Variants in MAP2K4 observed in about 807,000 individuals in gnomAD.
MAP2K4 encodes the protein dual specificity mitogen-activated protein kinase kinase 4.
A neutral mutation model predicts 48.5 loss-of-function variants in MAP2K4; 4 were observed. That is an observed-to-expected ratio of 0.08 (90% confidence interval 0.04 to 0.19). The LOEUF is 0.19. MAP2K4 is among the 10% of genes least tolerant of loss of function. The pLI, the probability that MAP2K4 is intolerant of heterozygous loss-of-function variation, is 1.00. For synonymous variants in MAP2K4, 166 were observed against 173.1 expected, an observed-to-expected ratio of 0.96 and a Z score of 0.32; for missense variants, 258 against 493.3, an observed-to-expected ratio of 0.52 and a Z score of 4.52.
intron 4 of MAP2K4, among the ~76,000 whole-genome samples, chr17:12,103,021 CT>C (rs1567661366): frequency 8.1e-6 from 1 of 122,778 alleles, no homozygotes; most frequent in South Asian, 2.6e-4. Context: ...AAATGATTTT[CT>C]TTTCTTTTCT....
At chr17:12,063,063 T>C (rs993899412) in intron 2 of MAP2K4, among the ~76,000 whole-genome samples, 2 of 152,228 alleles carry the variant, frequency 1.3e-5, no homozygotes, top group Non-Finnish European at 2.9e-5. Flanking sequence ...TCTTCTGACA[T>C]TGCTATATTG....
intron 2 of MAP2K4, among the ~76,000 whole-genome samples, chr17:12,062,124 G>A (rs1188730239): frequency 6.7e-6 from 1 of 150,322 alleles, no homozygotes; most frequent in Non-Finnish European, 1.5e-5. Flanking sequence ...ATCTGGAGTG[G>A]TTGCACTTGA....
rs1971204692 is a variant in MAP2K4, at chr17:12,081,999, G to A, written c.393+469G>A. ...ACTAACCTCAACCTTACTCGGTCCT[G>A]ACCGGCTCGGCTTCTGTTTGTTTAT... On this transcript the variant is annotated intron_variant, in intron 3 of 10. Coordinates refer to ENST00000353533, the MANE Select transcript of MAP2K4 (RefSeq NM_003010.4). This position sits in a 1 kb window ranked among gnomAD's most constrained non-coding sequence, Gnocchi z 4.2. 3.8e-6 allele frequency: 2 copies of A among 525,906 alleles called. No homozygotes were observed. Among genetic ancestry groups the A allele is most frequent in the African/African-American group, 3.9e-5 (2 of 51,880 alleles). 32.6% of individuals were successfully genotyped at this position (525,906 alleles called of 1,614,324 possible). A position where few individuals can be genotyped will look rare whatever the true frequency, so the allele number is the denominator to read the frequency against.
chr17:12,095,806 T>G lies in MAP2K4; in HGVS notation c.513+112T>G, dbSNP rs1019921582. 72 of 1,241,174 alleles carry G rather than the reference T, an allele frequency of 5.8e-5. 1 individual carries two copies. The highest frequency in any genetic ancestry group is 8.1e-5 in the Non-Finnish European group (71 of 878,576). The allele number at this position is 1,241,174 out of a possible 1,614,324, so 76.9% of individuals were successfully genotyped here. A position where few individuals can be genotyped will look rare whatever the true frequency, so the allele number is the denominator to read the frequency against. ...CATACATTAGTAATAAGTTAATATC[T>G]CAGTATCTTAGTGTTTAACCATGGT... On this transcript the variant is annotated intron_variant, in intron 4 of 10. Transcript: ENST00000353533.
intron 4 of MAP2K4, among the ~76,000 whole-genome samples, chr17:12,103,905 A>AT (rs888645195): frequency 6.6e-6 from 1 of 151,916 alleles, no homozygotes; most frequent in Non-Finnish European, 1.5e-5. Context: ...TTTTTATTTT[A>AT]TTTTTTTAGA....
intron 2 of MAP2K4, among the ~76,000 whole-genome samples, chr17:12,077,807 C>G (rs1339346255): frequency 1.3e-5 from 2 of 152,188 alleles, no homozygotes; most frequent in Non-Finnish European, 2.9e-5. Flanking sequence ...TCACAATTCT[C>G]GAGACTGGAG....
Position 12,113,306 on chromosome 17 carries a change from G to A in MAP2K4, c.759G>A (p.Gln253=), listed in dbSNP as rs1314059173. The A allele has an allele frequency of 6.2e-7, 1 of 1,613,824 alleles. No homozygotes were observed. The highest frequency in any genetic ancestry group is 8.5e-7 in the Non-Finnish European group (1 of 1,179,790). ...IKLCDFGISG[Q]LVDSIAKTRD... ...TCTGTGACTTCGGCATCAGTGGACA[G>A]CTTGTGGACTCTATTGCCAAGACAA... The change falls in exon 7 of 11, where the codon CAG becomes CAA. Residue 253 remains glutamine, a synonymous_variant. Coordinates refer to ENST00000353533, the MANE Select transcript of MAP2K4 (RefSeq NM_003010.4).
chr17:12,087,092 C>T lies in MAP2K4; in HGVS notation c.393+5562C>T, dbSNP rs559576405. Among the ~76,000 whole-genome samples, 63 of 152,258 alleles carry T rather than the reference C, an allele frequency of 4.1e-4. 2 individuals carry two copies. In the South Asian group the frequency reaches 0.013, roughly 31 times the overall value. ...GAACTACTGACTTCAGGTGATCTGC[C>T]CGCCTCAGCCTCCCAAAAGTGCTGG... On this transcript the variant is annotated intron_variant, in intron 3 of 10. Transcript: ENST00000353533.
intron 3 of MAP2K4, among the ~76,000 whole-genome samples, chr17:12,092,853 C>T (rs1971607821): frequency 6.6e-6 from 1 of 152,028 alleles, no homozygotes. Context: ...GGTGAAACCC[C>T]GTCTCTACTA....
chr17:12,073,643 G>C (rs1970893037), intron 2 of MAP2K4, among the ~76,000 whole-genome samples: 1 of 151,996 alleles, frequency 6.6e-6, no homozygotes, highest in South Asian at 2.1e-4. Flanking sequence ...AATTGGCATA[G>C]AATAAACTGT....
At chr17:12,098,190 A>T (rs1375566169) in intron 4 of MAP2K4, among the ~76,000 whole-genome samples, 5 of 152,172 alleles carry the variant, frequency 3.3e-5, no homozygotes, top group Non-Finnish European at 7.4e-5. Context: ...GGTTAAAAAT[A>T]TTAAAATGGC....
intron 2 of MAP2K4, among the ~76,000 whole-genome samples, chr17:12,059,578 C>T (rs2151529727): frequency 6.6e-6 from 1 of 152,248 alleles, no homozygotes; most frequent in Middle Eastern, 3.4e-3. Context: ...GTGGTGGATG[C>T]AGATAACATT....
intron 1 of MAP2K4, among the ~76,000 whole-genome samples, chr17:12,039,382 A>G (rs904834753): frequency 1.3e-5 from 2 of 152,192 alleles, no homozygotes; most frequent in Admixed American, 6.5e-5. Context: ...TTAATTTTTG[A>G]AAACTTTTAA....
chr17:12,039,399 A>G (rs541521534), intron 1 of MAP2K4, among the ~76,000 whole-genome samples: 22 of 152,342 alleles, frequency 1.4e-4, no homozygotes, highest in Non-Finnish European at 2.2e-4. Context: ...TTAATAGTAG[A>G]AAATTTCAAA....
intron 4 of MAP2K4, among the ~76,000 whole-genome samples, chr17:12,104,003 C>G (rs1321982917): frequency 6.6e-6 from 1 of 152,076 alleles, no homozygotes; most frequent in Non-Finnish European, 1.5e-5. Flanking sequence ...TCTTTGACAA[C>G]TTAGGTTACA....
chr17:12,064,325 C>G (rs891181738), intron 2 of MAP2K4, among the ~76,000 whole-genome samples: 1 of 152,064 alleles, frequency 6.6e-6, no homozygotes, highest in African/African-American at 2.4e-5. Flanking sequence ...TAAGTGATCC[C>G]CCTGCCTCGG....
chr17:12,102,157 T>A (rs896321463), intron 4 of MAP2K4, among the ~76,000 whole-genome samples: 30 of 152,178 alleles, frequency 2.0e-4, no homozygotes, highest in African/African-American at 6.7e-4. Flanking sequence ...ATATATATAT[T>A]TTTAATCAGG....
intron 7 of MAP2K4, among the ~76,000 whole-genome samples, chr17:12,118,308 G>A (rs565037406): frequency 2.0e-5 from 3 of 152,134 alleles, no homozygotes; most frequent in Non-Finnish European, 4.4e-5. Flanking sequence ...GATGCCAAGA[G>A]CAGAAAAACT....
intron 1 of MAP2K4, among the ~76,000 whole-genome samples, chr17:12,042,740 A>C (rs982959745): frequency 6.6e-6 from 1 of 151,898 alleles, no homozygotes; most frequent in Admixed American, 6.6e-5. Flanking sequence ...GGACGTACAC[A>C]CTCTTTGCTT....
Sources: gnomAD v4.1 joint callset for allele counts (sites outside exome capture counted in the v4.1 genomes callset) on GRCh38, gnomAD v4.1.1 for gene constraint, Gnocchi (gnomAD v3.1) non-coding constraint, MANE v1.5 for transcripts, NCBI Gene and HGNC (gene_info 2026-07-23, HGNC 2026-07-21) for gene names.